HIVEP1: variants seen among roughly 807,000 people sequenced by gnomAD.
HIVEP1 encodes the protein zinc finger protein 40.
HIVEP1 carries 36 observed loss-of-function variants against 180.0 expected under a neutral mutation model. That is an observed-to-expected ratio of 0.20 (90% CI 0.15 to 0.26). HIVEP1 has a LOEUF of 0.26. Ranked by LOEUF, HIVEP1 falls within the 10% of genes least tolerant of loss-of-function variation. HIVEP1 has a pLI of 1.00. For missense variants in HIVEP1, 3,143 were observed against 3,268.7 expected, an observed-to-expected ratio of 0.96 and a Z score of 0.94; for synonymous variants, 1,239 against 1,239.0, an observed-to-expected ratio of 1.00 and a Z score of 0.00.
chr6:12,092,499 G>C (rs952167704), intron 3 of HIVEP1, among the ~76,000 whole-genome samples: 2 of 152,048 alleles, frequency 1.3e-5, no homozygotes, highest in Admixed American at 1.3e-4. Flanking sequence ...AACAATGCAG[G>C]TATGAATATT....
chr6:12,173,203 G>A, the HIVEP1 span, among the ~76,000 whole-genome samples: 1 of 152,116 alleles, frequency 6.6e-6, no homozygotes, highest in East Asian at 1.9e-4. Context: ...GAAGACAGTG[G>A]AGCAGCGATT....
intron 7 of HIVEP1, among the ~76,000 whole-genome samples, chr6:12,150,026 A>G (rs550514918): frequency 6.6e-6 from 1 of 152,330 alleles, no homozygotes; most frequent in East Asian, 1.9e-4. Flanking sequence ...GAGGAATTAT[A>G]CATTTTTATA....
At chr6:12,130,992 G>A in intron 6 of HIVEP1, 50 bp downstream of exon 6, 2 of 1,383,544 alleles carry the variant, frequency 1.4e-6, no homozygotes, top group Non-Finnish European at 9.9e-7. Context: ...ATTTAGGTGG[G>A]AAAGCTAAAA....
rs1760636940 is a variant in HIVEP1, at chr6:12,164,600, T to A, written c.*139T>A. 1.4e-6 allele frequency: 1 copy of A among 699,188 alleles called. No individual in the cohort carries two copies. The highest frequency in any genetic ancestry group is 2.3e-6 in the Non-Finnish European group (1 of 435,948). 43.3% of individuals were successfully genotyped at this position (699,188 alleles called of 1,614,324 possible). On this transcript the variant is annotated 3_prime_UTR_variant, in exon 9 of 9. Transcript: ENST00000379388. ...CAATCATGAACTTTTGACCAATAATTGTTGTTTTGTGTCAGCTCCAGCCAT... is the reference window on the plus strand; with the variant it reads ...CAATCATGAACTTTTGACCAATAATAGTTGTTTTGTGTCAGCTCCAGCCAT...
rs1254965754 is a variant in HIVEP1 at position 12,124,486 on chromosome 6, G to T, written c.4691G>T (p.Cys1564Phe). The T allele has an allele frequency of 1.2e-6, 2 of 1,614,164 alleles. No individual in the cohort carries two copies. The highest frequency in any genetic ancestry group is 1.7e-6 in the Non-Finnish European group (2 of 1,180,034). ...TTTGCTCCCAAATACCAATTGCATT[G>T]TCAGGTTTTCACTTCAGGCCCATCT... The part of the protein sequence containing the change: ...DCFAPKYQLH[C>F]QVFTSGPSCS... Residue 1564 changes from cysteine (C) to phenylalanine (F), a missense_variant, in exon 4 of 9, where the codon TGT becomes TTT. By Grantham distance (205) the Cys-to-Phe change is radical. Around this residue, in one of 12 missense-constraint regions of HIVEP1, gnomAD observed 1,357 missense variants for 1,260.5 expected, o/e 1.08. Transcript: ENST00000379388.
intron 2 of HIVEP1, among the ~76,000 whole-genome samples, chr6:12,070,924 A>G (rs1771925882): frequency 1.3e-5 from 2 of 152,254 alleles, no homozygotes. Flanking sequence ...GAATGAGAAC[A>G]AAGCACTCCC....
At chr6:12,011,510 T>A (rs910490068), upstream of HIVEP1, among the ~76,000 whole-genome samples, 1 of 144,860 alleles carries the variant, frequency 6.9e-6, no homozygotes, top group Non-Finnish European at 1.5e-5. Context: ...GCCCCCGCCG[T>A]GTGCTGGTTC....
rs1775466342 is a variant in HIVEP1, at chr6:12,120,010, A to G, written c.215A>G (p.Gln72Arg). 1.9e-6 allele frequency: 3 copies of G among 1,613,088 alleles called. No individual in the cohort carries two copies. The highest frequency in any genetic ancestry group is 2.5e-6 in the Non-Finnish European group (3 of 1,179,810). ...AAATCCCCACTGAGAAATCCTCTTCAGGCAAAACATAAACAAAATACAGAA... is the reference window on the plus strand; with the variant it reads ...AAATCCCCACTGAGAAATCCTCTTCGGGCAAAACATAAACAAAATACAGAA... ...IPKSPLRNPL[Q>R]AKHKQNTEES... Residue 72 changes from glutamine to arginine, a missense_variant, in exon 4 of 9, where the codon CAG becomes CGG. This residue lies in a region of HIVEP1 where 114 missense variants were observed against 134.5 expected (regional missense o/e 0.85). Transcript: ENST00000379388.
chr6:12,097,575 G>A lies in HIVEP1; in HGVS notation c.94+8338G>A, dbSNP rs1041778857. 1.1e-4 allele frequency among the ~76,000 whole-genome samples: 16 copies of A among 152,058 alleles called. No individual in the cohort carries two copies. In the East Asian group the frequency reaches 2.9e-3, roughly 28 times the overall value. ...TCAAATTTAAATATTCACATCTTACGAAGTATTCTCTTAGTGTAATAGACA... is the reference window on the plus strand; with the variant it reads ...TCAAATTTAAATATTCACATCTTACAAAGTATTCTCTTAGTGTAATAGACA... On this transcript the variant is annotated intron_variant, in intron 3 of 8. Coordinates refer to ENST00000379388, the MANE Select transcript of HIVEP1 (RefSeq NM_002114.4).
intron 3 of HIVEP1, among the ~76,000 whole-genome samples, chr6:12,099,031 T>C (rs1235393595): frequency 6.6e-6 from 1 of 152,124 alleles, no homozygotes; most frequent in Non-Finnish European, 1.5e-5. Flanking sequence ...AGAAGAGGAC[T>C]TAAAAGCATT....
At chr6:12,094,574 G>A (rs1443971451) in intron 3 of HIVEP1, among the ~76,000 whole-genome samples, 3 of 151,892 alleles carry the variant, frequency 2.0e-5, no homozygotes, top group African/African-American at 7.2e-5. Flanking sequence ...TCTATGTAAA[G>A]ATGATCTTAC....
chr6:12,203,423 A>G, the HIVEP1 span, among the ~76,000 whole-genome samples: 1 of 152,334 alleles, frequency 6.6e-6, no homozygotes, highest in Middle Eastern at 3.4e-3. Flanking sequence ...CAGACATTAT[A>G]ACCTGAGTTT....
intron 1 of HIVEP1, among the ~76,000 whole-genome samples, chr6:12,013,817 CCAT>C (rs1767556587): frequency 1.0e-5 from 1 of 95,402 alleles, no homozygotes; most frequent in Non-Finnish European, 2.6e-5. Flanking sequence ...AATACTTAGA[CCAT>C]CATTTTTTTT....
At chr6:12,204,266 CA>C in the HIVEP1 span, among the ~76,000 whole-genome samples, 46 of 139,754 alleles carry the variant, frequency 3.3e-4, no homozygotes, top group Non-Finnish European at 5.4e-4. Context: ...AGCTACCAGA[CA>C]CAGAGTTTCT....
intron 2 of HIVEP1, among the ~76,000 whole-genome samples, chr6:12,040,414 A>G (rs1769600923): frequency 1.3e-5 from 2 of 152,340 alleles, no homozygotes; most frequent in South Asian, 4.1e-4. Flanking sequence ...TTTAATAAAG[A>G]TACAGGTAGA....
chr6:12,152,018 T>A (rs1482075357), intron 7 of HIVEP1, among the ~76,000 whole-genome samples: 3 of 152,108 alleles, frequency 2.0e-5, no homozygotes, highest in African/African-American at 7.2e-5. Flanking sequence ...TAGCCAGGCA[T>A]GGTGGCGGGC....
the HIVEP1 span, among the ~76,000 whole-genome samples, chr6:12,197,707 GC>G: frequency 2.0e-5 from 3 of 152,114 alleles, no homozygotes; most frequent in African/African-American, 7.2e-5. Flanking sequence ...AGGGTTTTAA[GC>G]TGAGGTATGG....
chr6:12,035,241 T>G (rs56245276), intron 2 of HIVEP1, among the ~76,000 whole-genome samples: 4 of 152,228 alleles, frequency 2.6e-5, no homozygotes, highest in African/African-American at 9.6e-5. Context: ...AGTCACAGAT[T>G]AATCTTTCTA....
At chr6:12,013,368 C>T (rs556729696) in intron 1 of HIVEP1, among the ~76,000 whole-genome samples, 2 of 152,296 alleles carry the variant, frequency 1.3e-5, no homozygotes, top group South Asian at 2.1e-4. Context: ...GTATTTATTT[C>T]TTTCCCGTAA....
Sources: allele counts gnomAD v4.1 joint callset (sites outside exome capture counted in the v4.1 genomes callset), GRCh38; gene constraint gnomAD v4.1.1; regional missense constraint gnomAD v4.1.1; transcripts MANE v1.5; gene names NCBI Gene and HGNC (gene_info 2026-07-23, HGNC 2026-07-21).